Variants in VPS13B observed in about 807,000 individuals in gnomAD.
VPS13B encodes the protein intermembrane lipid transfer protein VPS13B.
VPS13B carries 285 observed loss-of-function variants against 426.4 expected under a neutral mutation model. That is an observed-to-expected ratio of 0.67 (90% CI 0.61 to 0.74). VPS13B has a LOEUF of 0.74. Ranked by LOEUF, VPS13B falls within the 30% of genes least tolerant of loss-of-function variation. The pLI is 0.00. For missense variants in VPS13B, 4,537 were observed against 4,782.6 expected, an observed-to-expected ratio of 0.95 and a Z score of 1.51; for synonymous variants, 1,676 against 1,676.4, an observed-to-expected ratio of 1.00 and a Z score of 0.01.
intron 45 of VPS13B, 48 bp downstream of exon 45, chr8:99,817,851 T>A: frequency 6.2e-7 from 1 of 1,613,638 alleles, no homozygotes; most frequent in South Asian, 1.1e-5. Context: ...ACCATTGAAA[T>A]TTTCTCAAAA....
chr8:99,698,966 G>C (rs979027766), intron 35 of VPS13B, among the ~76,000 whole-genome samples: 1 of 152,196 alleles, frequency 6.6e-6, no homozygotes, highest in South Asian at 2.1e-4. Flanking sequence ...TATCAATGCA[G>C]AGTGTAGGGA....
rs1388916447 is a variant in VPS13B, at chr8:99,156,662, A to G, written c.2127A>G (p.Glu709=). 6.2e-7 allele frequency: 1 copy of G among 1,614,092 alleles called. No homozygotes were observed. The highest frequency in any genetic ancestry group is 1.1e-5 in the South Asian group (1 of 91,082). The part of the protein sequence containing the change: ...NLEHSVPMYA[E]QLVHVVSSLT... ...AACATTCAGTGCCAATGTATGCTGA[A>G]CAGTTGGTGCATGTGGTCAGCAGCC... The change falls in exon 15 of 62, where the codon GAA becomes GAG. Residue 709 remains glutamate (E), a synonymous_variant. Transcript: ENST00000357162.
At chr8:99,459,841 T>C (rs1818733272) in intron 23 of VPS13B, among the ~76,000 whole-genome samples, 1 of 152,066 alleles carries the variant, frequency 6.6e-6, no homozygotes, top group Non-Finnish European at 1.5e-5. Context: ...AAGTTGACCC[T>C]GTTTATTATT....
intron 22 of VPS13B, among the ~76,000 whole-genome samples, chr8:99,437,165 TTGTGCAGGTAATTA>T (rs1399258246): frequency 2.0e-5 from 3 of 152,170 alleles, no homozygotes; most frequent in African/African-American, 7.2e-5. Context: ...TAGTGGAAGT[TTGTGCAGGTAATTA>T]TGTTTGGAAC....
chr8:99,815,971 A>G (rs2130806067), intron 44 of VPS13B, among the ~76,000 whole-genome samples: 1 of 152,280 alleles, frequency 6.6e-6, no homozygotes, highest in East Asian at 1.9e-4. Flanking sequence ...AGCTGTGACT[A>G]CAGGCATACA....
At chr8:99,522,934 A>T (rs1822447649) in intron 30 of VPS13B, among the ~76,000 whole-genome samples, 3 of 152,220 alleles carry the variant, frequency 2.0e-5, no homozygotes, top group Admixed American at 2.0e-4. Context: ...GTAGCTCAGT[A>T]TAATAAATGT....
chr8:99,634,449 C>T (rs1828991743), intron 33 of VPS13B, among the ~76,000 whole-genome samples: 1 of 151,838 alleles, frequency 6.6e-6, no homozygotes, highest in South Asian at 2.1e-4. Flanking sequence ...TTCAAAGAGC[C>T]GGAAAAGTAA....
intron 2 of VPS13B, among the ~76,000 whole-genome samples, chr8:99,027,931 A>C (rs1842222298): frequency 6.6e-6 from 1 of 152,068 alleles, no homozygotes; most frequent in Non-Finnish European, 1.5e-5. Flanking sequence ...AAGATTAGGG[A>C]GTGGTGATGA....
chr8:99,360,665 A>G (rs900196848), intron 19 of VPS13B, among the ~76,000 whole-genome samples: 3 of 152,142 alleles, frequency 2.0e-5, no homozygotes, highest in African/African-American at 4.8e-5. Flanking sequence ...TTATGATTAT[A>G]CTTTTTTCAT....
intron 14 of VPS13B, among the ~76,000 whole-genome samples, chr8:99,150,638 T>C (rs902181102): frequency 2.6e-5 from 4 of 152,230 alleles, no homozygotes; most frequent in African/African-American, 9.6e-5. Flanking sequence ...TCATATAGTA[T>C]GTAGCCTTTT....
chr8:99,229,744 C>T (rs1424963047), intron 17 of VPS13B, among the ~76,000 whole-genome samples: 28 of 152,098 alleles, frequency 1.8e-4, no homozygotes, highest in Admixed American at 1.8e-3. Flanking sequence ...GAAACAAGGT[C>T]AGAGAGTTTG....
At chr8:99,069,612 G>T (rs147398593) in intron 3 of VPS13B, among the ~76,000 whole-genome samples, 1 of 152,074 alleles carries the variant, frequency 6.6e-6, no homozygotes, top group African/African-American at 2.4e-5. Flanking sequence ...TACATGTCTA[G>T]ATTTCACAGT....
chr8:99,702,316 CTG>C (rs1240799145), intron 36 of VPS13B, among the ~76,000 whole-genome samples: 12 of 152,106 alleles, frequency 7.9e-5, no homozygotes, highest in Admixed American at 3.3e-4. Context: ...AAATACTTAA[CTG>C]TGTCTTTGAT....
At chr8:99,326,337 G>A (rs1440598067) in intron 19 of VPS13B, among the ~76,000 whole-genome samples, 1 of 151,240 alleles carries the variant, frequency 6.6e-6, no homozygotes, top group African/African-American at 2.4e-5. Flanking sequence ...CTTAGGGAGA[G>A]CTTAAACAAT....
chr8:99,690,470 T>A (rs1831608300), intron 35 of VPS13B, among the ~76,000 whole-genome samples: 1 of 152,162 alleles, frequency 6.6e-6, no homozygotes, highest in Non-Finnish European at 1.5e-5. Flanking sequence ...ATTAAACTGT[T>A]TTGTGCTGCA....
chr8:99,556,869 G>A (rs1824601730), intron 31 of VPS13B, among the ~76,000 whole-genome samples: 1 of 149,630 alleles, frequency 6.7e-6, no homozygotes, highest in Non-Finnish European at 1.5e-5. Context: ...TACAAATTTA[G>A]GATTATGTTA....
At chr8:99,541,762 A>G (rs1490461279) in intron 30 of VPS13B, among the ~76,000 whole-genome samples, 1 of 152,094 alleles carries the variant, frequency 6.6e-6, no homozygotes, top group Non-Finnish European at 1.5e-5. Flanking sequence ...AGAATGCCCT[A>G]ATGGTGTTTC....
At chr8:99,286,637 A>G (rs918611374) in intron 19 of VPS13B, among the ~76,000 whole-genome samples, 5 of 152,180 alleles carry the variant, frequency 3.3e-5, no homozygotes, top group Non-Finnish European at 7.4e-5. Context: ...TGTAAAGGCA[A>G]TGAAAGGTGC....
chr8:99,094,548 T>C (rs1246701799), intron 3 of VPS13B, among the ~76,000 whole-genome samples: 1 of 152,222 alleles, frequency 6.6e-6, no homozygotes, highest in Non-Finnish European at 1.5e-5. Flanking sequence ...GTGTTGTTTA[T>C]GGTTGCAAGT....
Sources: gnomAD v4.1 joint callset for allele counts (sites outside exome capture counted in the v4.1 genomes callset) on GRCh38, gnomAD v4.1.1 for gene constraint, MANE v1.5 for transcripts, NCBI Gene and HGNC (gene_info 2026-07-23, HGNC 2026-07-21) for gene names.